The following PSD2 variants were observed in gnomAD, a reference collection of about 807,000 sequenced individuals.
PSD2 encodes the protein pleckstrin and Sec7 domain containing 2, also known as PH and SEC7 domain-containing protein 2.
In PSD2, 38 loss-of-function variants were observed where a neutral mutation model predicts 69.8. That is an observed-to-expected ratio of 0.54 (90% confidence interval 0.42 to 0.71). PSD2 has a LOEUF of 0.71. Ranked by LOEUF, PSD2 falls within the 30% of genes least tolerant of loss-of-function variation. The pLI, the probability that PSD2 is intolerant of heterozygous loss-of-function variation, is 0.00. For synonymous variants in PSD2, 412 were observed against 423.0 expected (o/e 0.97, Z 0.32); for missense variants, 943 against 1,014.5 (o/e 0.93, Z 0.96).
At chr5:139,796,524 G>T (rs747259641) in intron 1 of PSD2, among the ~76,000 whole-genome samples, 2 of 152,242 alleles carry the variant, frequency 1.3e-5, no homozygotes, top group Non-Finnish European at 2.9e-5. Flanking sequence ...CAGCTAGAGC[G>T]GGGGCTCGCA....
the PSD2 span, among the ~76,000 whole-genome samples, chr5:139,757,979 T>C: frequency 6.6e-6 from 1 of 152,294 alleles, no homozygotes; most frequent in African/African-American, 2.4e-5. Flanking sequence ...AGGTAGAGGT[T>C]GCAGTGAGCT....
At chr5:139,749,715 G>T in the PSD2 span, among the ~76,000 whole-genome samples, 3 of 152,180 alleles carry the variant, frequency 2.0e-5, no homozygotes, top group Non-Finnish European at 4.4e-5. Flanking sequence ...ACCTCAACTG[G>T]CTGGGCACAG....
chr5:139,808,163 G>T (rs1247825268), intron 1 of PSD2, among the ~76,000 whole-genome samples: 1 of 152,196 alleles, frequency 6.6e-6, no homozygotes, highest in Admixed American at 6.5e-5. Flanking sequence ...GGGAGAAATG[G>T]CCCAGATTCC....
chr5:139,751,363 C>G, the PSD2 span, among the ~76,000 whole-genome samples: 1 of 152,142 alleles, frequency 6.6e-6, no homozygotes, highest in Admixed American at 6.5e-5. Context: ...TCTTTGGCAT[C>G]TACTGTGTGC....
intron 2 of PSD2, among the ~76,000 whole-genome samples, chr5:139,812,848 G>A (rs1202646184): frequency 1.3e-5 from 2 of 152,116 alleles, no homozygotes; most frequent in African/African-American, 2.4e-5. Flanking sequence ...GCTGGGGGAC[G>A]AGGCCTTACA....
At chr5:139,792,778 C>T (rs1468780300), upstream of PSD2, among the ~76,000 whole-genome samples, 1 of 146,164 alleles carries the variant, frequency 6.8e-6, no homozygotes, top group Non-Finnish European at 1.5e-5. Flanking sequence ...TTCCTTCCTT[C>T]CTCCCTCCCT....
upstream of PSD2, among the ~76,000 whole-genome samples, chr5:139,793,305 T>G (rs1212791583): frequency 6.6e-6 from 1 of 152,166 alleles, no homozygotes; most frequent in Non-Finnish European, 1.5e-5. Context: ...TACTCCCCTC[T>G]CCAGTGTCCA....
the PSD2 span, among the ~76,000 whole-genome samples, chr5:139,763,675 C>T: frequency 2.6e-5 from 4 of 152,246 alleles, no homozygotes; most frequent in Non-Finnish European, 5.9e-5. Flanking sequence ...CCAGTCCCCT[C>T]GGCCTGGCAC....
the PSD2 span, among the ~76,000 whole-genome samples, chr5:139,778,754 C>G: frequency 6.6e-6 from 1 of 151,394 alleles, no homozygotes; most frequent in Admixed American, 6.6e-5. Context: ...AGAAACCCAT[C>G]TCTCCAAAAA....
At chr5:139,784,304 C>T in the PSD2 span, among the ~76,000 whole-genome samples, 95 of 152,064 alleles carry the variant, frequency 6.2e-4, no homozygotes, top group African/African-American at 2.2e-3. Context: ...CGGCCCTCCC[C>T]GACTCCTGTG....
At chr5:139,799,783 G>A (rs1262844430) in intron 1 of PSD2, among the ~76,000 whole-genome samples, 2 of 152,106 alleles carry the variant, frequency 1.3e-5, no homozygotes, top group Admixed American at 6.5e-5. Flanking sequence ...GGGGGGTATC[G>A]GAGAAGGGGA....
the PSD2 span, among the ~76,000 whole-genome samples, chr5:139,763,830 G>C: frequency 6.6e-6 from 1 of 152,318 alleles, no homozygotes; most frequent in South Asian, 2.1e-4. Context: ...TGCTATGCCT[G>C]GTCGACTTGC....
At chr5:139,830,632 C>CTT (rs1760569540) in intron 7 of PSD2, among the ~76,000 whole-genome samples, 1 of 120,964 alleles carries the variant, frequency 8.3e-6, no homozygotes, top group Non-Finnish European at 1.7e-5. Flanking sequence ...CTTTCTCTTT[C>CTT]TTTCTTTCTT....
chr5:139,804,868 CGTGT>C (rs1261442410), intron 1 of PSD2, among the ~76,000 whole-genome samples: 2 of 151,392 alleles, frequency 1.3e-5, no homozygotes, highest in African/African-American at 2.4e-5. Flanking sequence ...TGTGTGTGTG[CGTGT>C]GTGTGTGTCT....
At chr5:139,809,270 G>T in intron 1 of PSD2, 121 bp from the exon 2 acceptor site, 2 of 746,162 alleles carry the variant, frequency 2.7e-6, no homozygotes, top group South Asian at 3.8e-5. Flanking sequence ...GCCCCGAGGA[G>T]GTCATCTTGG....
intron 5 of PSD2, among the ~76,000 whole-genome samples, chr5:139,820,549 G>A (rs1760233490): frequency 6.6e-6 from 1 of 152,166 alleles, no homozygotes; most frequent in African/African-American, 2.4e-5. Context: ...TGCCTTAGGA[G>A]GTGGCATGAG....
At chr5:139,821,498 G>A (rs1760259552) in intron 5 of PSD2, among the ~76,000 whole-genome samples, 1 of 152,200 alleles carries the variant, frequency 6.6e-6, no homozygotes, top group Non-Finnish European at 1.5e-5. Flanking sequence ...AAAGAGAGGG[G>A]ATGACTGAGG....
chr5:139,823,078 CT>C (rs1358414554), intron 7 of PSD2, among the ~76,000 whole-genome samples: 1 of 152,178 alleles, frequency 6.6e-6, no homozygotes, highest in Non-Finnish European at 1.5e-5. Context: ...CTTTGTGCCC[CT>C]GTCCTGCAAG....
intron 7 of PSD2, among the ~76,000 whole-genome samples, chr5:139,825,802 G>A (rs568913126): frequency 8.5e-5 from 13 of 152,258 alleles, no homozygotes; most frequent in African/African-American, 2.9e-4. Flanking sequence ...GTCTGGGCCC[G>A]GTGCAGACAC....
Sources: allele counts gnomAD v4.1 joint callset (sites outside exome capture counted in the v4.1 genomes callset), GRCh38; gene constraint gnomAD v4.1.1; transcripts MANE v1.5; gene names NCBI Gene and HGNC (gene_info 2026-07-23, HGNC 2026-07-21).